Variants in MYL3 observed in about 807,000 individuals in gnomAD.
The protein encoded by MYL3 is CMLC1.
MYL3 carries 11 observed loss-of-function variants against 21.3 expected under a neutral mutation model. The observed-to-expected ratio is 0.52, with a 90% CI of 0.32 to 0.85. The LOEUF (loss-of-function observed/expected upper bound fraction) is 0.85. Among genes scored for constraint, MYL3 ranks in the 40% least tolerant of loss-of-function variants. MYL3 has a pLI of 0.03. For synonymous variants in MYL3, 88 were observed against 91.6 expected (o/e 0.96, Z 0.22); for missense variants, 206 against 253.3 (o/e 0.81, Z 1.27).
chr3:46,875,955 G>A (rs1051808984), intron 1 of MYL3, among the ~76,000 whole-genome samples: 14 of 152,332 alleles, frequency 9.2e-5, no homozygotes, highest in African/African-American at 3.1e-4. Flanking sequence ...ACAACTTCCT[G>A]TCCCCGGAGC....
At chr3:46,865,442 C>T (rs574761395), upstream of MYL3, among the ~76,000 whole-genome samples, 165 of 152,302 alleles carry the variant, frequency 1.1e-3, no homozygotes, top group Non-Finnish European at 2.0e-3. This position sits in a 1 kb window ranked among gnomAD's most constrained non-coding sequence, Gnocchi z 4.3. Flanking sequence ...CCAGGCCTGC[C>T]GACCCTCAGG....
Position 46,863,251 on chromosome 3 carries a change from T to TCCATA in MYL3, c.129+6_129+10dup. ...CTGCTCCTATTGCCACCACCCAGCT[T>TCCATA]CCATACCCACCTTGATCTTGGAAGC... On this transcript the variant is annotated intron_variant, in intron 1 of 6. Coordinates refer to ENST00000292327, the MANE Select transcript of MYL3 (RefSeq NM_000258.3). 1 of 1,614,024 alleles carries TCCATA rather than the reference T, an allele frequency of 6.2e-7. No individual in the cohort carries two copies. The highest frequency in any genetic ancestry group is 1.1e-5 in the South Asian group (1 of 91,078).
At chr3:46,875,417 T>A (rs1242399444) in intron 1 of MYL3, among the ~76,000 whole-genome samples, 1 of 152,170 alleles carries the variant, frequency 6.6e-6, no homozygotes, top group East Asian at 1.9e-4. Context: ...CAAGGCCAGG[T>A]ATGCAGCCTC....
chr3:46,869,628 C>T (rs571477436), intron 1 of MYL3, among the ~76,000 whole-genome samples: 38 of 152,288 alleles, frequency 2.5e-4, no homozygotes, highest in South Asian at 4.1e-4. Context: ...GGGAGTGTGT[C>T]GTCTTGCGTG....
At chr3:46,858,906 C>T (rs1392906474) in intron 4 of MYL3, among the ~76,000 whole-genome samples, 1 of 152,094 alleles carries the variant, frequency 6.6e-6, no homozygotes, top group Admixed American at 6.5e-5. Context: ...AAATGCCAGC[C>T]GCAGCTCCCC....
upstream of MYL3, chr3:46,863,522 G>T (rs2106915035): frequency 1.0e-6 from 1 of 954,142 alleles, no homozygotes. Context: ...GTGCACAATA[G>T]GGACAGGGCC....
rs765979557 is a variant in MYL3 at position 46,863,424 on chromosome 3, G to A, written c.-34C>T. 1 of 1,611,210 alleles carries A rather than the reference G, an allele frequency of 6.2e-7. No homozygotes were observed. The highest frequency in any genetic ancestry group is 1.1e-5 in the South Asian group (1 of 91,022). ...GTAAGTACAGAGAGGGATGTGGAGA[G>A]AAGAATGCAGAAAGCAGGGTAGGTG... On this transcript the variant is annotated 5_prime_UTR_variant, in exon 1 of 7. Transcript: ENST00000292327.
rs986530544 is a variant in MYL3, at chr3:46,879,495, C to T, written c.-218+2579G>A. 6.6e-6 allele frequency among the ~76,000 whole-genome samples: 1 copy of T among 152,186 alleles called. No homozygotes were observed. ...CGGTGGTTCATGCCTGTAATCCCAG[C>T]ACTTTGGGAGGCCGAGGCAGGAGGA... On this transcript the variant is annotated intron_variant, in intron 1 of 3. Transcript: ENST00000431168. This position sits in a 1 kb window ranked among gnomAD's most constrained non-coding sequence, Gnocchi z 4.7.
upstream of MYL3, among the ~76,000 whole-genome samples, chr3:46,865,593 C>A (rs1313078686): frequency 6.6e-6 from 1 of 152,218 alleles, no homozygotes; most frequent in Non-Finnish European, 1.5e-5. The surrounding 1 kb of genome is among the most constrained non-coding windows in gnomAD (Gnocchi z 4.3). Flanking sequence ...CATCTCATTT[C>A]TTTCATCCTC....
intron 1 of MYL3, 24 bp downstream of exon 1, chr3:46,863,238 C>T (rs779848336): frequency 1.1e-4 from 182 of 1,613,554 alleles, no homozygotes; most frequent in Non-Finnish European, 9.3e-6. Context: ...GCTCCTATTG[C>T]CACCACCCAG....
Position 46,861,098 on chromosome 3 carries a change from TC to T in MYL3, c.130-112del. On this transcript the variant is annotated intron_variant, in intron 1 of 6. Coordinates refer to ENST00000292327, the MANE Select transcript of MYL3 (RefSeq NM_000258.3). The surrounding 1 kb of genome is among the most constrained non-coding windows in gnomAD (Gnocchi z 4.2). ...TGTCAACTGTCTCAGCCTGTCCCATTCCAGCATCCCAGCCTGCACCCCCAGG... is the reference window on the plus strand; with the variant it reads ...TGTCAACTGTCTCAGCCTGTCCCATTCAGCATCCCAGCCTGCACCCCCAGG... The T allele has an allele frequency of 7.7e-7, 1 of 1,300,198 alleles. No homozygotes were observed. The highest frequency in any genetic ancestry group is 1.1e-6 in the Non-Finnish European group (1 of 903,550). 80.5% of individuals were successfully genotyped at this position (1,300,198 alleles called of 1,614,324 possible). A position where few individuals can be genotyped will look rare whatever the true frequency, so the allele number is the denominator to read the frequency against.
At chr3:46,862,357 C>T (rs1009235833) in intron 1 of MYL3, among the ~76,000 whole-genome samples, 1 of 152,184 alleles carries the variant, frequency 6.6e-6, no homozygotes, top group African/African-American at 2.4e-5. Flanking sequence ...AAGAACTTGG[C>T]AACTAAAATG....
chr3:46,867,894 C>T (rs1702063573), upstream of MYL3, among the ~76,000 whole-genome samples: 1 of 152,256 alleles, frequency 6.6e-6, no homozygotes, highest in African/African-American at 2.4e-5. Flanking sequence ...CCGCTACACA[C>T]TGGACACCCA....
rs1064793448 is a variant in MYL3, at chr3:46,859,498, AG to A, written c.457del (p.Leu153PhefsTer12). The A allele has an allele frequency of 3.7e-6, 6 of 1,614,200 alleles. No homozygotes were observed. The highest frequency in any genetic ancestry group is 5.1e-6 in the Non-Finnish European group (6 of 1,180,020). ...ACCCAGCGTGGCCAGCACGTGGCGA[AG>A]CTCAGCACCCATGACAGTGCCATTG... ...EGNGTVMGAE[L>X]RHVLATLGER... On this transcript the variant is annotated frameshift_variant, in exon 4 of 7. Coordinates refer to ENST00000292327, the MANE Select transcript of MYL3 (RefSeq NM_000258.3). LOFTEE classifies it high-confidence loss of function. The surrounding 1 kb of genome is among the most constrained non-coding windows in gnomAD (Gnocchi z 4.1).
intron 1 of MYL3, among the ~76,000 whole-genome samples, chr3:46,872,442 A>ACCCCCCCCCCCCCGC (rs200592186): frequency 7.3e-6 from 1 of 137,420 alleles, no homozygotes; most frequent in Non-Finnish European, 1.6e-5. Context: ...GGGCCCCAAG[A>ACCCCCCCCCCCCCGC]CCCCCCCCCT....
chr3:46,860,850 C>G lies in MYL3; in HGVS notation c.158-25G>C, dbSNP rs1701985309. The G allele has an allele frequency of 1.2e-6, 2 of 1,614,066 alleles. No homozygotes were observed. Among genetic ancestry groups the G allele is most frequent in the Middle Eastern group, 1.6e-4 (1 of 6,062 alleles). On this transcript the variant is annotated intron_variant, in intron 2 of 6. Coordinates refer to ENST00000292327, the MANE Select transcript of MYL3 (RefSeq NM_000258.3). This position sits in a 1 kb window ranked among gnomAD's most constrained non-coding sequence, Gnocchi z 4.6. ...TCTGCCAGGAGAGGGCAGTGAGCCACAGACACTCCCAGGGTCAGCCTACCC... is the reference window on the plus strand; with the variant it reads ...TCTGCCAGGAGAGGGCAGTGAGCCAGAGACACTCCCAGGGTCAGCCTACCC...
At chr3:46,865,568 C>G (rs1486411774), upstream of MYL3, among the ~76,000 whole-genome samples, 3 of 152,348 alleles carry the variant, frequency 2.0e-5, no homozygotes, top group East Asian at 5.8e-4. This position sits in a 1 kb window ranked among gnomAD's most constrained non-coding sequence, Gnocchi z 4.3. Context: ...AGGACATATA[C>G]AGGGCCCTCT....
At chr3:46,858,311 T>C (rs765858022) in intron 5 of MYL3, 39 bp from the exon 6 acceptor site, 68 of 1,613,956 alleles carry the variant, frequency 4.2e-5, no homozygotes, top group Middle Eastern at 1.6e-4. Flanking sequence ...GAGTGCAACA[T>C]GGGGAAGCCA....
Position 46,860,557 on chromosome 3 carries a change from A to T in MYL3, c.307+119T>A. ...CCCTGTGACTGGCCTCGGTGCCCTC[A>T]TCGGGACAATGCGAGATGTCAGGAA... On this transcript the variant is annotated intron_variant, in intron 3 of 6. Coordinates refer to ENST00000292327, the MANE Select transcript of MYL3 (RefSeq NM_000258.3). The surrounding 1 kb of genome is among the most constrained non-coding windows in gnomAD (Gnocchi z 4.6). The T allele has an allele frequency of 7.0e-7, 1 of 1,433,890 alleles. No individual in the cohort carries two copies. The highest frequency in any genetic ancestry group is 9.5e-7 in the Non-Finnish European group (1 of 1,055,910). 88.8% of individuals were successfully genotyped at this position (1,433,890 alleles called of 1,614,324 possible).
Sources: gnomAD v4.1 joint callset for allele counts (sites outside exome capture counted in the v4.1 genomes callset) on GRCh38, gnomAD v4.1.1 for gene constraint, Gnocchi (gnomAD v3.1) non-coding constraint, MANE v1.5 for transcripts, NCBI Gene and HGNC (gene_info 2026-07-23, HGNC 2026-07-21) for gene names.